Variants in GPHN observed in about 807,000 individuals in gnomAD.
GPHN encodes the protein gephyrin.
GPHN carries 17 observed loss-of-function variants against 95.5 expected under a neutral mutation model. The ratio of observed to expected loss-of-function variants is 0.18; its 90% CI spans 0.12 to 0.27. The LOEUF is 0.27. Ranked by LOEUF, GPHN falls within the 10% of genes least tolerant of loss-of-function variation. The pLI is 1.00. For synonymous variants in GPHN, 320 were observed against 322.5 expected (o/e 0.99, Z 0.08); for missense variants, 660 against 978.1 (o/e 0.67, Z 4.34).
the GPHN span, among the ~76,000 whole-genome samples, chr14:67,560,196 T>G: frequency 6.6e-6 from 1 of 151,986 alleles, no homozygotes; most frequent in African/African-American, 2.4e-5. Context: ...CCCAGCTAAT[T>G]TTTGTATTTT....
At chr14:67,240,094 A>G in the GPHN span, among the ~76,000 whole-genome samples, 12 of 152,194 alleles carry the variant, frequency 7.9e-5, no homozygotes, top group Admixed American at 7.9e-4. Context: ...TGGCAGGAGC[A>G]TTAAGGTCTT....
chr14:67,600,255 G>A, the GPHN span: 8 of 1,439,636 alleles, frequency 5.6e-6, no homozygotes, highest in South Asian at 1.4e-5. Flanking sequence ...GCGCTCGCCG[G>A]CCCTGGCCGT....
At chr14:67,540,113 T>G in the GPHN span, among the ~76,000 whole-genome samples, 1 of 152,102 alleles carries the variant, frequency 6.6e-6, no homozygotes, top group Non-Finnish European at 1.5e-5. Context: ...GCAACAAATT[T>G]TTATTATGGA....
At chr14:67,557,385 C>T in the GPHN span, 1 of 1,613,820 alleles carries the variant, frequency 6.2e-7, no homozygotes. Context: ...AAGATGAGCT[C>T]ATCAGCCAGC....
At chr14:66,831,041 G>A (rs2061560855) in intron 4 of GPHN, among the ~76,000 whole-genome samples, 1 of 151,738 alleles carries the variant, frequency 6.6e-6, no homozygotes, top group South Asian at 2.1e-4. Flanking sequence ...ATAAGCCCTG[G>A]GAAGAAGAAA....
the GPHN span, among the ~76,000 whole-genome samples, chr14:67,293,635 T>C: frequency 2.6e-5 from 4 of 152,200 alleles, no homozygotes; most frequent in Non-Finnish European, 4.4e-5. Context: ...GAAATAACAT[T>C]ACCTTGATCT....
intron 2 of GPHN, among the ~76,000 whole-genome samples, chr14:66,682,636 G>A (rs1234876404): frequency 6.6e-6 from 1 of 152,138 alleles, no homozygotes; most frequent in Non-Finnish European, 1.5e-5. Context: ...TGTAGTCCCA[G>A]CTACTTGGGA....
chr14:67,129,237 G>T lies in GPHN; in HGVS notation c.1748+6860G>T, dbSNP rs1595281866. On this transcript the variant is annotated intron_variant, in intron 17 of 22. Coordinates refer to ENST00000478722, the MANE Select transcript of GPHN (RefSeq NM_020806.5). ...TCCCCTTATGCATTATTAAAAATTT[G>T]GTGGACCAGTATTGACAACTGTAAT... 5.3e-5 allele frequency among the ~76,000 whole-genome samples: 8 copies of T among 152,034 alleles called. No individual in the cohort carries two copies. In the South Asian group the frequency reaches 1.7e-3, roughly 32 times the overall value.
chr14:67,555,912 G>A, the GPHN span: 14 of 1,610,760 alleles, frequency 8.7e-6, no homozygotes, highest in Non-Finnish European at 1.2e-5. Context: ...GGATCGGCGG[G>A]AATATGCAGG....
intron 2 of GPHN, among the ~76,000 whole-genome samples, chr14:66,775,061 G>A (rs1226312612): frequency 1.3e-5 from 2 of 151,014 alleles, no homozygotes; most frequent in Non-Finnish European, 3.0e-5. Context: ...GTGTACATTT[G>A]CAGGTTTGTT....
chr14:67,732,578 G>A, the GPHN span, among the ~76,000 whole-genome samples: 1 of 149,386 alleles, frequency 6.7e-6, no homozygotes, highest in East Asian at 2.0e-4. Context: ...CTAAATGATA[G>A]ACTTTTCTTT....
At chr14:67,463,150 G>A in the GPHN span, among the ~76,000 whole-genome samples, 1 of 152,214 alleles carries the variant, frequency 6.6e-6, no homozygotes, top group East Asian at 1.9e-4. Context: ...TGGACATGGT[G>A]GCTCACACCT....
intron 1 of GPHN, among the ~76,000 whole-genome samples, chr14:66,646,078 T>A (rs183145203): frequency 6.6e-6 from 1 of 152,152 alleles, no homozygotes; most frequent in African/African-American, 2.4e-5. Context: ...ACAATTTAGT[T>A]ACAAAAGATT....
the GPHN span, among the ~76,000 whole-genome samples, chr14:67,453,689 G>C: frequency 6.6e-6 from 1 of 152,216 alleles, no homozygotes; most frequent in Non-Finnish European, 1.5e-5. Context: ...CGGGTGGAGA[G>C]GGGGCGGCTG....
intron 9 of GPHN, chr14:66,968,996 A>G (rs1307211127): frequency 2.7e-5 from 4 of 149,774 alleles, no homozygotes; most frequent in South Asian, 2.1e-4. Flanking sequence ...CAAAATCTAT[A>G]AAACTATACC....
intron 1 of GPHN, among the ~76,000 whole-genome samples, chr14:66,546,758 C>T (rs952309598): frequency 3.5e-5 from 4 of 112,732 alleles, no homozygotes; most frequent in Admixed American, 1.3e-4. Context: ...AGAGGGAGAC[C>T]GTGGAAAGAG....
chr14:67,208,296 A>T, the GPHN span: 3 of 1,614,022 alleles, frequency 1.9e-6, no homozygotes, highest in Non-Finnish European at 2.5e-6. Flanking sequence ...ACCATCTCAA[A>T]CATAACACTG....
At chr14:67,439,533 GTTTCTTTCTTTC>G in the GPHN span, among the ~76,000 whole-genome samples, 1,025 of 96,116 alleles carry the variant, frequency 0.011, 24 homozygotes, top group South Asian at 0.046. Flanking sequence ...AAATTCAATA[GTTTCTTTCTTTC>G]TTTCTTTCTT....
the GPHN span, among the ~76,000 whole-genome samples, chr14:67,409,267 G>T: frequency 2.0e-5 from 3 of 149,454 alleles, no homozygotes; most frequent in South Asian, 6.4e-4. Context: ...GTAACAGGGG[G>T]GTGTGGTGAC....
Sources: gnomAD v4.1 joint callset for allele counts (sites outside exome capture counted in the v4.1 genomes callset) on GRCh38, gnomAD v4.1.1 for gene constraint, MANE v1.5 for transcripts, NCBI Gene and HGNC (gene_info 2026-07-23, HGNC 2026-07-21) for gene names.